Variants in ANKRD26 observed in about 807,000 individuals in gnomAD.
The protein encoded by ANKRD26 is ankyrin repeat domain 26.
A neutral mutation model predicts 208.7 loss-of-function variants in ANKRD26; 141 were observed. The ratio of observed to expected loss-of-function variants is 0.68; its 90% CI spans 0.59 to 0.78. The LOEUF is 0.78. ANKRD26 is among the 30% of genes least tolerant of loss of function. The pLI, the probability that ANKRD26 is intolerant of heterozygous loss-of-function variation, is 0.00. For synonymous variants in ANKRD26, 636 were observed against 660.4 expected (o/e 0.96, Z 0.57); for missense variants, 1,889 against 1,938.7 (o/e 0.97, Z 0.48).
intron 4 of ANKRD26, among the ~76,000 whole-genome samples, chr10:27,090,193 C>T (rs1450876106): frequency 1.3e-5 from 2 of 152,158 alleles, no homozygotes; most frequent in East Asian, 3.9e-4. Context: ...TGCCTGTGAT[C>T]CTAGCACTTT....
chr10:27,010,202 T>C (rs2134859740), intron 32 of ANKRD26, among the ~76,000 whole-genome samples: 1 of 152,326 alleles, frequency 6.6e-6, no homozygotes, highest in East Asian at 1.9e-4. Flanking sequence ...ATGGTTCTTT[T>C]TAATCTCTTT....
intron 20 of ANKRD26, 85 bp from the exon 21 acceptor site, chr10:27,040,263 C>T (rs2054189385): frequency 4.1e-6 from 4 of 986,424 alleles, no homozygotes; most frequent in Middle Eastern, 3.1e-4. Flanking sequence ...CTCATTAAGA[C>T]ACTGACCAAT....
At chr10:27,023,088 G>C (rs1431553631) in intron 28 of ANKRD26, among the ~76,000 whole-genome samples, 2 of 152,168 alleles carry the variant, frequency 1.3e-5, no homozygotes, top group African/African-American at 4.8e-5. Context: ...CAGCACTTTG[G>C]GAGACCGAGC....
chr10:27,042,209 C>T (rs1165386559), intron 20 of ANKRD26, among the ~76,000 whole-genome samples: 1 of 152,176 alleles, frequency 6.6e-6, no homozygotes, highest in Non-Finnish European at 1.5e-5. Flanking sequence ...AAAGGCTAGC[C>T]TTTCTGATGT....
chr10:27,005,644 A>T lies in ANKRD26; in HGVS notation c.5079T>A (p.Val1693=). 1 of 1,613,158 alleles carries T rather than the reference A, an allele frequency of 6.2e-7. No homozygotes were observed. The highest frequency in any genetic ancestry group is 8.5e-7 in the Non-Finnish European group (1 of 1,179,490). The part of the protein sequence containing the change: ...TDESNLNQDL[V]WKASREYVQV... Reference sequence around the variant, plus strand: ...GTACATATTCTCTTGATGCTTTCCAAACTAGATCTTGATTTAGATTTGACT... The same window carrying T: ...GTACATATTCTCTTGATGCTTTCCATACTAGATCTTGATTTAGATTTGACT... The change falls in exon 34 of 34, where the codon GTT becomes GTA. Residue 1693 remains valine (V), a synonymous_variant. Transcript: ENST00000376087.
intron 23 of ANKRD26, 102 bp from the exon 24 acceptor site, chr10:27,035,854 T>A (rs1486420323): frequency 2.2e-6 from 2 of 889,760 alleles, no homozygotes. Flanking sequence ...CAATAAAGGG[T>A]TGCAATAAGT....
chr10:27,047,375 C>T (rs1161445244), intron 17 of ANKRD26, among the ~76,000 whole-genome samples: 1 of 152,012 alleles, frequency 6.6e-6, no homozygotes. Flanking sequence ...AATACCAGCA[C>T]TTTGGGAGGC....
chr10:27,081,003 A>T lies in ANKRD26; in HGVS notation c.740+1800T>A, dbSNP rs74873958. On this transcript the variant is annotated intron_variant, in intron 6 of 33. Coordinates refer to ENST00000376087, the MANE Select transcript of ANKRD26 (RefSeq NM_014915.3). ...ATGTAGTTCAGCAGCCTCCAGCTCC[A>T]AAGTACTTGAGGGGCTCAAAGCCAC... 4.1e-6 allele frequency: 4 copies of T among 974,540 alleles called. 1 individual carries two copies. The South Asian group carries it at 1.9e-4, about 46-fold the overall frequency. The allele number at this position is 974,540 out of a possible 1,614,324, so 60.4% of individuals were successfully genotyped here.
At chr10:26,999,570 C>T (rs1248488586), downstream of ANKRD26, among the ~76,000 whole-genome samples, 1 of 152,064 alleles carries the variant, frequency 6.6e-6, no homozygotes, top group Non-Finnish European at 1.5e-5. Flanking sequence ...ATGCACCTGC[C>T]AGGTGAAAAT....
chr10:27,095,666 T>C (rs1211350719), intron 1 of ANKRD26, among the ~76,000 whole-genome samples: 1 of 152,112 alleles, frequency 6.6e-6, no homozygotes, highest in Admixed American at 6.6e-5. Context: ...TAATCTCCTC[T>C]CAAAAAAATA....
chr10:27,067,493 G>A (rs998931482), intron 9 of ANKRD26, among the ~76,000 whole-genome samples: 4 of 151,892 alleles, frequency 2.6e-5, no homozygotes, highest in African/African-American at 7.3e-5. Flanking sequence ...TCATGGTTTT[G>A]CAGGCTGTAT....
intron 9 of ANKRD26, among the ~76,000 whole-genome samples, chr10:27,073,473 C>A (rs1402196892): frequency 6.6e-6 from 1 of 152,192 alleles, no homozygotes; most frequent in East Asian, 1.9e-4. Context: ...CCTGTCTGAT[C>A]TGATTAGCTG....
chr10:26,948,489 A>T, the ANKRD26 span, among the ~76,000 whole-genome samples: 1 of 152,164 alleles, frequency 6.6e-6, no homozygotes, highest in Non-Finnish European at 1.5e-5. Context: ...CTGTTTAACA[A>T]ATTATTTTTG....
chr10:26,951,428 A>G, the ANKRD26 span, among the ~76,000 whole-genome samples: 2 of 152,150 alleles, frequency 1.3e-5, no homozygotes, highest in Non-Finnish European at 2.9e-5. Flanking sequence ...TATACCTGCA[A>G]TAAATATTTA....
At chr10:26,972,527 C>T (rs1164369958), downstream of ANKRD26, among the ~76,000 whole-genome samples, 1 of 150,876 alleles carries the variant, frequency 6.6e-6, no homozygotes, top group Non-Finnish European at 1.5e-5. Context: ...GATACTGATT[C>T]TTACTTAGTA....
intron 21 of ANKRD26, among the ~76,000 whole-genome samples, chr10:27,038,415 C>T (rs1004771716): frequency 4.6e-5 from 7 of 151,996 alleles, no homozygotes; most frequent in African/African-American, 1.2e-4. Context: ...TTTGGGAGGC[C>T]GAGGCGCGCA....
intron 6 of ANKRD26, among the ~76,000 whole-genome samples, chr10:27,079,790 T>C (rs1239208228): frequency 2.0e-5 from 3 of 152,124 alleles, no homozygotes; most frequent in South Asian, 2.1e-4. Context: ...GAGGCAGAGA[T>C]TGCAGTGAGC....
chr10:26,952,525 GT>G, the ANKRD26 span, among the ~76,000 whole-genome samples: 1 of 149,338 alleles, frequency 6.7e-6, no homozygotes, highest in African/African-American at 2.5e-5. Flanking sequence ...ATAATTATTT[GT>G]TTTTTTCTTC....
rs1057019869 is a variant in ANKRD26, at chr10:27,035,608, T to C, written c.2842A>G (p.Ile948Val). 6.2e-7 allele frequency: 1 copy of C among 1,604,084 alleles called. No individual in the cohort carries two copies. The change falls in exon 24 of 34, where the codon ATT (isoleucine) becomes GTT (valine). Residue 948 changes from isoleucine (I) to valine (V), a missense_variant. Around this residue, in one of 3 missense-constraint regions of ANKRD26, gnomAD observed 1,272 missense variants for 1,273.8 expected, o/e 1.00. Coordinates refer to ENST00000376087, the MANE Select transcript of ANKRD26 (RefSeq NM_014915.3). ...KEKKCFEDLK[I>V]VKEKNEDLQK... is the part of the protein sequence containing the mutation. ...AGGTCTTCATTCTTTTCTTTTACAA[T>C]TTTAAGGTCCTCAAAACATTTCTTT... is the stretch of plus-strand genomic sequence containing the variant.
Sources: allele counts gnomAD v4.1 joint callset (sites outside exome capture counted in the v4.1 genomes callset), GRCh38; gene constraint gnomAD v4.1.1; regional missense constraint gnomAD v4.1.1; transcripts MANE v1.5; gene names NCBI Gene and HGNC (gene_info 2026-07-23, HGNC 2026-07-21).